The following TMEM164 variants were observed in gnomAD, a reference collection of about 807,000 sequenced individuals.
TMEM164 encodes RP13-360B22.2.
A neutral mutation model predicts 18.8 loss-of-function variants in TMEM164; 4 were observed. The ratio of observed to expected loss-of-function variants is 0.21; its 90% CI spans 0.10 to 0.49. The LOEUF is 0.49. TMEM164 is among the 20% of genes least tolerant of loss of function. The pLI is 0.98. For synonymous variants in TMEM164, 86 were observed against 101.7 expected, an observed-to-expected ratio of 0.85 and a Z score of 0.93; for missense variants, 108 against 239.9, an observed-to-expected ratio of 0.45 and a Z score of 3.63.
chrX:110,090,004 T>C (rs2065902485), intron 3 of TMEM164, among the ~76,000 whole-genome samples: 1 of 112,104 alleles, frequency 8.9e-6, no homozygotes, highest in African/African-American at 3.2e-5. Context: ...GGAAAGAAAA[T>C]TGCTTTCATT....
At chrX:110,132,206 A>G (rs1477260539) in intron 4 of TMEM164, among the ~76,000 whole-genome samples, 2 of 112,119 alleles carry the variant, frequency 1.8e-5, no homozygotes, top group African/African-American at 6.5e-5. Flanking sequence ...GAGTAATCAT[A>G]TTTCTAATCC....
intron 2 of TMEM164, among the ~76,000 whole-genome samples, chrX:110,023,956 C>T (rs1934054690): frequency 8.9e-6 from 1 of 112,325 alleles, no homozygotes; most frequent in South Asian, 3.7e-4. Flanking sequence ...TGCCAGTCAC[C>T]TGCATTTGTC....
chrX:110,056,941 T>TTATA (rs3082794), intron 2 of TMEM164, among the ~76,000 whole-genome samples: 25 of 107,566 alleles, frequency 2.3e-4, no homozygotes, highest in South Asian at 8.0e-4. Flanking sequence ...AACTTAATGA[T>TTATA]TATATATATA....
chrX:110,112,984 C>G (rs2066311973), intron 4 of TMEM164, among the ~76,000 whole-genome samples: 1 of 111,075 alleles, frequency 9.0e-6, no homozygotes, highest in Non-Finnish European at 1.9e-5. Flanking sequence ...CCATACTACC[C>G]TACATAGAAA....
At chrX:110,119,336 G>A (rs902570968) in intron 4 of TMEM164, among the ~76,000 whole-genome samples, 1 of 111,080 alleles carries the variant, frequency 9.0e-6, no homozygotes, top group African/African-American at 3.3e-5. Context: ...GCTCCCACCT[G>A]TAATCCCAGC....
Position 110,144,845 on chromosome X carries a change from C to T in TMEM164, c.555C>T (p.Tyr185=), listed in dbSNP as rs180695468. 404 of 1,206,594 alleles carry T rather than the reference C, an allele frequency of 3.3e-4. No individual in the cohort carries two copies. Among genetic ancestry groups the T allele is most frequent in the Non-Finnish European group, 4.3e-4 (383 of 892,842 alleles). The change falls in exon 5 of 7, where the codon TAC becomes TAT. Residue 185 remains tyrosine, a synonymous_variant. Transcript: ENST00000372068. ...EIYYIQHVML[Y]VVPIYLLWKG... ...ACTACATTCAGCATGTTATGCTCTA[C>T]GTGGTACCCATCTACCTGCTTTGGA...
chrX:110,138,276 C>G, intron 4 of TMEM164, among the ~76,000 whole-genome samples: 1 of 112,558 alleles, frequency 8.9e-6, no homozygotes, highest in East Asian at 2.8e-4. Flanking sequence ...TTCACCACAA[C>G]TGGATGAAGT....
At chrX:110,076,134 A>G (rs1337329487) in intron 3 of TMEM164, among the ~76,000 whole-genome samples, 3 of 101,688 alleles carry the variant, frequency 3.0e-5, no homozygotes, top group Non-Finnish European at 6.0e-5. Context: ...TTCTTTTTTT[A>G]CAATTACTGA....
In TMEM164 at chrX:110,108,068, C is replaced by CTGTGTGTGTGTGTG. The variant is rs56714507; in HGVS notation, c.441-967_441-954dup. 9.5e-3 allele frequency among the ~76,000 whole-genome samples: 440 copies of CTGTGTGTGTGTGTG among 46,371 alleles called. 43 individuals are homozygous for CTGTGTGTGTGTGTG. The highest frequency in any genetic ancestry group is 0.028 in the African/African-American group (309 of 11,232). 40.3% of individuals were successfully genotyped at this position (46,371 alleles called of 115,157 possible). A position where few individuals can be genotyped will look rare whatever the true frequency, so the allele number is the denominator to read the frequency against. On this transcript the variant is annotated intron_variant, in intron 3 of 6. Coordinates refer to ENST00000372068, the MANE Select transcript of TMEM164 (RefSeq NM_032227.4). ...TCCCAGCCAGGGCATAGGAGGTATG[C>CTGTGTGTGTGTGTG]TGTGTGTGTGTGTGTGTGTGTGTGT...
At chrX:110,053,096 C>CACA (rs1436103610) in intron 2 of TMEM164, among the ~76,000 whole-genome samples, 87 of 111,364 alleles carry the variant, frequency 7.8e-4, no homozygotes, top group Non-Finnish European at 1.5e-3. Context: ...GTCCCCTTTC[C>CACA]CAATTTTTTA....
In TMEM164 at chrX:110,151,319, T is replaced by C. The variant is rs755085477; in HGVS notation, c.586+6443T>C. Among the ~76,000 whole-genome samples the C allele has an allele frequency of 1.6e-4, 18 of 111,780 alleles. No homozygotes were observed. The South Asian group carries it at 6.3e-3, about 39-fold the overall frequency. On this transcript the variant is annotated intron_variant, in intron 5 of 6. Coordinates refer to ENST00000372068, the MANE Select transcript of TMEM164 (RefSeq NM_032227.4). ...TTGGATATTTCCAAATCCATGAAAG[T>C]TGTACCAGTTTAAATGTTTACTAGC... is the stretch of plus-strand genomic sequence containing the variant.
intron 5 of TMEM164, among the ~76,000 whole-genome samples, chrX:110,146,718 A>G (rs1411706766): frequency 9.0e-6 from 1 of 111,178 alleles, no homozygotes; most frequent in Non-Finnish European, 1.9e-5. Context: ...CTCATCTCCC[A>G]TCTCCCTTTC....
chrX:110,156,306 A>G (rs2067015535), intron 5 of TMEM164, among the ~76,000 whole-genome samples: 1 of 112,354 alleles, frequency 8.9e-6, no homozygotes, highest in Non-Finnish European at 1.9e-5. Flanking sequence ...ATACTTTATT[A>G]TAATATGCAG....
chrX:110,142,415 T>C (rs1007762058), intron 4 of TMEM164, among the ~76,000 whole-genome samples: 1 of 112,154 alleles, frequency 8.9e-6, no homozygotes, highest in Non-Finnish European at 1.9e-5. Context: ...TAGCTGAGTG[T>C]GCTGGCTAAG....
chrX:110,015,600 C>T (rs1376470311), intron 2 of TMEM164, among the ~76,000 whole-genome samples: 1 of 109,645 alleles, frequency 9.1e-6, no homozygotes, highest in Non-Finnish European at 1.9e-5. Context: ...TCACTTTATT[C>T]TCTGCACCCT....
chrX:110,044,275 A>G (rs907053622), intron 2 of TMEM164, among the ~76,000 whole-genome samples: 1 of 112,880 alleles, frequency 8.9e-6, no homozygotes, highest in Non-Finnish European at 1.9e-5. Flanking sequence ...TTGAAACTCT[A>G]TTTGGAATCT....
Position 110,173,244 on chromosome X carries a change from G to A in TMEM164, c.688-1G>A, listed in dbSNP as rs58853113. On this transcript the variant is annotated splice_acceptor_variant, in intron 6 of 6. Coordinates refer to ENST00000372068, the MANE Select transcript of TMEM164 (RefSeq NM_032227.4). LOFTEE classifies it high-confidence loss of function. ...TCACTCTACCTCCCTTGTCCCTGCA[G>A]GTCACCGAAGTGAATTTGAACAACA... The A allele has an allele frequency of 8.3e-7, 1 of 1,210,663 alleles. No individual in the cohort carries two copies. The highest frequency in any genetic ancestry group is 1.1e-6 in the Non-Finnish European group (1 of 895,244).
chrX:110,072,968 A>G (rs765160871), intron 3 of TMEM164, among the ~76,000 whole-genome samples: 4 of 110,885 alleles, frequency 3.6e-5, no homozygotes, highest in African/African-American at 6.5e-5. Context: ...CTCAATAGGT[A>G]GTTTTTCAGC....
chrX:110,152,520 T>G (rs1354963655), intron 5 of TMEM164, among the ~76,000 whole-genome samples: 6 of 111,881 alleles, frequency 5.4e-5, no homozygotes, highest in African/African-American at 2.0e-4. Flanking sequence ...AGTCTTTTAT[T>G]CACTTGGAAT....
Sources: gnomAD v4.1 joint callset for allele counts (sites outside exome capture counted in the v4.1 genomes callset) on GRCh38, gnomAD v4.1.1 for gene constraint, MANE v1.5 for transcripts, NCBI Gene and HGNC (gene_info 2026-07-23, HGNC 2026-07-21) for gene names.